Variants in TLE4 observed in about 807,000 individuals in gnomAD.
The protein encoded by TLE4 is TLE family member 4, transcriptional corepressor.
A neutral mutation model predicts 92.8 loss-of-function variants in TLE4; 8 were observed. The observed-to-expected ratio is 0.09, with a 90% confidence interval of 0.05 to 0.16. The LOEUF is 0.16. TLE4 is among the 10% of genes least tolerant of loss of function. TLE4 has a pLI of 1.00. For synonymous variants in TLE4, 371 were observed against 374.1 expected, an observed-to-expected ratio of 0.99 and a Z score of 0.10; for missense variants, 675 against 997.6, an observed-to-expected ratio of 0.68 and a Z score of 4.36.
At position 79,593,339 on chromosome 9, in the gene TLE4, C is replaced by T. The variant is rs912719213; in HGVS notation, c.252+17162C>T. On this transcript the variant is annotated intron_variant, in intron 4 of 19. Coordinates refer to ENST00000376552, the MANE Select transcript of TLE4 (RefSeq NM_007005.6). The stretch of plus-strand genomic sequence containing the variant: ...CTTTTAATTTCCTTCATTCCACCCA[C>T]ACCTCCTACCACACACCCATGTATC... Among the ~76,000 whole-genome samples the T allele has an allele frequency of 3.9e-5, 6 of 152,152 alleles. No individual in the cohort carries two copies. The East Asian group carries it at 1.2e-3, about 29-fold the overall frequency.
intron 4 of TLE4, 84 bp downstream of exon 4, chr9:79,576,261 T>TAAAA: frequency 1.9e-6 from 2 of 1,073,894 alleles, no homozygotes; most frequent in Non-Finnish European, 2.7e-6. Flanking sequence ...GCAGTTTTAT[T>TAAAA]CTGCAAGCCG....
intron 8 of TLE4, among the ~76,000 whole-genome samples, chr9:79,654,985 T>C (rs550384557): frequency 6.6e-6 from 1 of 152,238 alleles, no homozygotes; most frequent in East Asian, 1.9e-4. Context: ...CTATTAAAAA[T>C]ACAAACATTA....
chr9:79,648,792 G>A (rs2058483065), intron 6 of TLE4, among the ~76,000 whole-genome samples: 1 of 152,152 alleles, frequency 6.6e-6, no homozygotes, highest in Non-Finnish European at 1.5e-5. Context: ...GTTGGGTTTT[G>A]TGTCACACAT....
chr9:79,692,995 G>A (rs1231861497), intron 8 of TLE4, among the ~76,000 whole-genome samples: 1 of 152,176 alleles, frequency 6.6e-6, no homozygotes, highest in Non-Finnish European at 1.5e-5. Flanking sequence ...TCACACAGTT[G>A]ATAAATGTTG....
chr9:79,686,707 G>A (rs1367354320), intron 8 of TLE4, among the ~76,000 whole-genome samples: 1 of 152,196 alleles, frequency 6.6e-6, no homozygotes, highest in Non-Finnish European at 1.5e-5. Context: ...TGGAGCCTTT[G>A]GAGGGAGCAT....
At chr9:79,622,878 G>A (rs1026380733) in intron 5 of TLE4, among the ~76,000 whole-genome samples, 1 of 152,098 alleles carries the variant, frequency 6.6e-6, no homozygotes, top group African/African-American at 2.4e-5. Flanking sequence ...AGTTCATCAC[G>A]TGAGAAGCAG....
chr9:79,717,461 G>A (rs1565173751), intron 14 of TLE4, among the ~76,000 whole-genome samples: 2 of 152,074 alleles, frequency 1.3e-5, no homozygotes, highest in Non-Finnish European at 2.9e-5. Flanking sequence ...CACATACTAT[G>A]TTCTTCTACA....
At chr9:79,652,482 C>T (rs2059181327) in intron 6 of TLE4, 111 bp from the exon 7 acceptor site, 3 of 1,235,260 alleles carry the variant, frequency 2.4e-6, no homozygotes, top group South Asian at 2.6e-5. Flanking sequence ...CCACCGTGCC[C>T]AGCCGGTGTT....
At chr9:79,573,501 C>T (rs1385932068) in intron 1 of TLE4, 188 bp from the exon 2 acceptor site, 3 of 876,318 alleles carry the variant, frequency 3.4e-6, no homozygotes, top group East Asian at 6.6e-5. Context: ...GGCCCCAGGA[C>T]CACCTCGAAA....
chr9:79,578,547 G>A (rs1306609859), intron 4 of TLE4, among the ~76,000 whole-genome samples: 1 of 152,114 alleles, frequency 6.6e-6, no homozygotes, highest in African/African-American at 2.4e-5. Flanking sequence ...AGACAAACAG[G>A]GTGGAGGTCG....
chr9:79,708,169 ACTGATGCGC>A lies in TLE4; in HGVS notation c.990_998del (p.Asp331_Pro333del). 6.2e-7 allele frequency: 1 copy of A among 1,614,152 alleles called. No individual in the cohort carries two copies. Reference sequence around the variant, plus strand: ...AAAGTCCAATACCCCTACTCCACGAACTGATGCGCCCACCCCAGGCAGTAACTCTACTCC... The same window carrying A: ...AAAGTCCAATACCCCTACTCCACGAACCACCCCAGGCAGTAACTCTACTCC... On this transcript the variant is annotated inframe_deletion, in exon 12 of 20. Coordinates refer to ENST00000376552, the MANE Select transcript of TLE4 (RefSeq NM_007005.6).
chr9:79,682,685 T>C (rs1332869516), intron 8 of TLE4, among the ~76,000 whole-genome samples: 1 of 152,166 alleles, frequency 6.6e-6, no homozygotes, highest in Non-Finnish European at 1.5e-5. Flanking sequence ...CTGATGAAAC[T>C]GAAGTTATCA....
intron 4 of TLE4, among the ~76,000 whole-genome samples, chr9:79,608,896 A>G (rs1036352578): frequency 3.9e-5 from 6 of 152,092 alleles, no homozygotes; most frequent in Non-Finnish European, 5.9e-5. Context: ...AGGAAATCAT[A>G]TAGGCTGAAA....
chr9:79,622,844 C>T (rs2051372912), intron 5 of TLE4, among the ~76,000 whole-genome samples: 1 of 152,132 alleles, frequency 6.6e-6, no homozygotes. Flanking sequence ...ATCCTGTATT[C>T]CTCTAAGATG....
intron 6 of TLE4, among the ~76,000 whole-genome samples, chr9:79,639,329 A>G (rs753616400): frequency 3.3e-5 from 5 of 152,220 alleles, no homozygotes; most frequent in Non-Finnish European, 5.9e-5. Context: ...ATATAGTTAC[A>G]TGCCATATAA....
intron 8 of TLE4, among the ~76,000 whole-genome samples, chr9:79,662,103 A>G (rs2060612708): frequency 6.6e-6 from 1 of 152,126 alleles, no homozygotes; most frequent in African/African-American, 2.4e-5. Flanking sequence ...CTCCCCTTTT[A>G]CAGAAATGCA....
At chr9:79,702,201 G>GTGA (rs550200230) in intron 8 of TLE4, among the ~76,000 whole-genome samples, 40 of 152,314 alleles carry the variant, frequency 2.6e-4, no homozygotes, top group South Asian at 6.2e-4. Flanking sequence ...GGGGTGTGGA[G>GTGA]TGAGGACTTT....
At position 79,708,060 on chromosome 9, in the gene TLE4, T is replaced by C. The variant is rs1008025105; in HGVS notation, c.937-58T>C. On this transcript the variant is annotated intron_variant, in intron 11 of 19. Coordinates refer to ENST00000376552, the MANE Select transcript of TLE4 (RefSeq NM_007005.6). ...TCCTTTTCTTTACCTTTTTACTGTT[T>C]AACGTCATTGTTAAAACCATGTTCT... 42 of 1,570,700 alleles carry C rather than the reference T, an allele frequency of 2.7e-5. No homozygotes were observed. In the Middle Eastern group the frequency reaches 5.0e-4, roughly 19 times the overall value.
At chr9:79,592,334 G>A (rs141059819) in intron 4 of TLE4, among the ~76,000 whole-genome samples, 102 of 143,302 alleles carry the variant, frequency 7.1e-4, no homozygotes, top group African/African-American at 2.5e-3. Context: ...GGAGTGCAGT[G>A]GCGTGATCAT....
Sources: allele counts gnomAD v4.1 joint callset (sites outside exome capture counted in the v4.1 genomes callset), GRCh38; gene constraint gnomAD v4.1.1; transcripts MANE v1.5; gene names NCBI Gene and HGNC (gene_info 2026-07-23, HGNC 2026-07-21).